Variants in KIF5C observed in about 807,000 individuals in gnomAD.
KIF5C encodes kinesin family member 5C, also known as kinesin heavy chain isoform 5C.
In KIF5C, 18 loss-of-function variants were observed where a neutral mutation model predicts 125.2. The ratio of observed to expected loss-of-function variants is 0.14; its 90% confidence interval spans 0.10 to 0.21. The LOEUF is 0.21. KIF5C is among the 10% of genes least tolerant of loss of function. KIF5C has a pLI of 1.00. For synonymous variants in KIF5C, 405 were observed against 434.0 expected (o/e 0.93, Z 0.83); for missense variants, 780 against 1,183.8 (o/e 0.66, Z 5.01).
intron 1 of KIF5C, among the ~76,000 whole-genome samples, chr2:148,888,128 G>A (rs1423346625): frequency 6.6e-6 from 1 of 152,202 alleles, no homozygotes; most frequent in East Asian, 1.9e-4. Context: ...GTGGCATGCT[G>A]CCTGCCGCCC....
chr2:149,010,457 A>T, intron 24 of KIF5C, 106 bp downstream of exon 24: 1 of 1,449,146 alleles, frequency 6.9e-7, no homozygotes, highest in Non-Finnish European at 9.1e-7. Flanking sequence ...GGAACATCTG[A>T]AAGGCTGGGT....
intron 11 of KIF5C, among the ~76,000 whole-genome samples, chr2:148,963,332 T>C (rs1682974389): frequency 6.6e-6 from 1 of 151,970 alleles, no homozygotes; most frequent in Non-Finnish European, 1.5e-5. Flanking sequence ...TTGTGCAGGA[T>C]TGGGAGGTAA....
intron 1 of KIF5C, among the ~76,000 whole-genome samples, chr2:148,909,028 T>C (rs952755915): frequency 1.3e-5 from 2 of 152,204 alleles, no homozygotes; most frequent in African/African-American, 4.8e-5. Context: ...AAACCGCTTC[T>C]TTCCCAGCTT....
chr2:148,966,367 C>T (rs1683050226), intron 11 of KIF5C, among the ~76,000 whole-genome samples: 1 of 149,544 alleles, frequency 6.7e-6, no homozygotes, highest in South Asian at 2.1e-4. Context: ...CGCGCGCACA[C>T]ACACACATGC....
intron 15 of KIF5C, 94 bp from the exon 16 acceptor site, chr2:148,990,916 G>A: frequency 6.8e-7 from 1 of 1,463,508 alleles, no homozygotes; most frequent in Non-Finnish European, 9.1e-7. Context: ...AGAAATCCAT[G>A]GACACCTTGG....
At chr2:148,982,663 C>T (rs1681267966) in intron 14 of KIF5C, among the ~76,000 whole-genome samples, 1 of 152,180 alleles carries the variant, frequency 6.6e-6, no homozygotes, top group Non-Finnish European at 1.5e-5. Flanking sequence ...ATAAAACAAA[C>T]TCATTCAGAA....
At position 149,010,258 on chromosome 2, in the gene KIF5C, C is replaced by T. The variant is rs755736014; in HGVS notation, c.2674C>T (p.Arg892Trp). The change falls in exon 24 of 26, where the codon CGG (arginine) becomes TGG (tryptophan). Residue 892 changes from arginine to tryptophan, a missense_variant. By Grantham distance (101) the Arg-to-Trp change is moderately radical. Around this residue, in one of 2 missense-constraint regions of KIF5C, gnomAD observed 573 missense variants for 742.6 expected, o/e 0.77. Transcript: ENST00000435030. Reference protein sequence around the residue: ...ALKEAKENAMRDRKRYQQEVD... With the variant: ...ALKEAKENAMWDRKRYQQEVD... ...GAAGGAGGCCAAGGAGAACGCCATGCGGGACCGTAAGCGCTACCAGCAGGA... is the reference window on the plus strand; with the variant it reads ...GAAGGAGGCCAAGGAGAACGCCATGTGGGACCGTAAGCGCTACCAGCAGGA... The T allele has an allele frequency of 1.1e-5, 18 of 1,590,902 alleles. No individual in the cohort carries two copies. Among genetic ancestry groups the T allele is most frequent in the East Asian group, 4.6e-5 (2 of 43,350 alleles).
intron 11 of KIF5C, among the ~76,000 whole-genome samples, chr2:148,969,467 G>A (rs1423987890): frequency 6.7e-6 from 1 of 148,746 alleles, no homozygotes; most frequent in Non-Finnish European, 1.5e-5. Flanking sequence ...GTGTGTATGT[G>A]TGTGGGGAGG....
At chr2:148,998,349 G>T in intron 18 of KIF5C, 51 bp from the exon 19 acceptor site, 2 of 1,551,136 alleles carry the variant, frequency 1.3e-6, no homozygotes, top group South Asian at 2.4e-5. Context: ...GTCACAGAGT[G>T]GGCTGAGTGC....
intron 3 of KIF5C, among the ~76,000 whole-genome samples, chr2:148,931,018 G>A (rs576622873): frequency 7.0e-4 from 107 of 152,226 alleles, no homozygotes; most frequent in Admixed American, 6.3e-3. Flanking sequence ...TCCAGTACCT[G>A]TAGACAAAAA....
rs1558895357 is a variant in KIF5C at position 148,922,128 on chromosome 2, C to CT, written c.127-3dup. The stretch of plus-strand genomic sequence containing the variant: ...CCACCTTTTTCTTCCCTTTGTCTTT[C>CT]TTTTTTAGCAAGGGAAGCCATATGT... On this transcript the variant is annotated splice_polypyrimidine_tract_variant and intron_variant, in intron 1 of 25. Transcript: ENST00000435030. The CT allele has an allele frequency of 6.3e-7, 1 of 1,585,920 alleles. No individual in the cohort carries two copies. The highest frequency in any genetic ancestry group is 1.8e-5 in the Admixed American group (1 of 55,224).
chr2:148,988,953 AC>A (rs2105169566), intron 15 of KIF5C, among the ~76,000 whole-genome samples: 1 of 152,314 alleles, frequency 6.6e-6, no homozygotes, highest in Non-Finnish European at 1.5e-5. Context: ...CTATTGTTGA[AC>A]TTTTTTAATT....
chr2:148,956,852 A>G (rs1182922717), intron 10 of KIF5C, among the ~76,000 whole-genome samples: 3 of 152,184 alleles, frequency 2.0e-5, no homozygotes, highest in African/African-American at 7.2e-5. Flanking sequence ...GAAATGAAGA[A>G]CCCACTTTTG....
At chr2:148,992,364 AT>A (rs1574820119) in intron 16 of KIF5C, among the ~76,000 whole-genome samples, 1 of 152,240 alleles carries the variant, frequency 6.6e-6, no homozygotes, top group Non-Finnish European at 1.5e-5. Context: ...TGTAAGTATA[AT>A]TTAGTCCAGT....
At chr2:148,916,914 T>C (rs892235329) in intron 1 of KIF5C, among the ~76,000 whole-genome samples, 5 of 152,166 alleles carry the variant, frequency 3.3e-5, no homozygotes, top group Admixed American at 6.5e-5. Flanking sequence ...ACGCATGCCA[T>C]CTACCCTCTC....
intron 3 of KIF5C, among the ~76,000 whole-genome samples, chr2:148,930,328 C>CTT (rs375719839): frequency 0.16 from 23,466 of 146,366 alleles, 3,061 homozygotes; most frequent in African/African-American, 0.35. Context: ...TCCTCTTTTC[C>CTT]TTTTTTTTTT....
intron 7 of KIF5C, among the ~76,000 whole-genome samples, chr2:148,944,522 TA>T (rs1007990357): frequency 2.0e-5 from 3 of 152,202 alleles, no homozygotes; most frequent in Non-Finnish European, 4.4e-5. Flanking sequence ...ATACAACATT[TA>T]AAAAATTCGT....
intron 21 of KIF5C, among the ~76,000 whole-genome samples, chr2:149,001,872 T>C (rs1558942325): frequency 6.6e-6 from 1 of 152,258 alleles, no homozygotes; most frequent in African/African-American, 2.4e-5. Flanking sequence ...AAGGACCTGG[T>C]GACCCCACAT....
intron 1 of KIF5C, among the ~76,000 whole-genome samples, chr2:148,918,676 G>A (rs2105077474): frequency 6.6e-6 from 1 of 152,296 alleles, no homozygotes; most frequent in South Asian, 2.1e-4. Context: ...AAAGTCCGTG[G>A]GGCCACACTG....
Sources: gnomAD v4.1 joint callset for allele counts (sites outside exome capture counted in the v4.1 genomes callset) on GRCh38, gnomAD v4.1.1 for gene constraint, gnomAD v4.1.1 regional missense constraint, MANE v1.5 for transcripts, NCBI Gene and HGNC (gene_info 2026-07-23, HGNC 2026-07-21) for gene names.